The following ANKS1B variants were observed in gnomAD, a reference collection of about 807,000 sequenced individuals.
The protein encoded by ANKS1B is ankyrin repeat and sterile alpha motif domain-containing protein 1B.
ANKS1B carries 36 observed loss-of-function variants against 148.3 expected under a neutral mutation model. The observed-to-expected ratio is 0.24, with a 90% confidence interval of 0.19 to 0.32. ANKS1B has a LOEUF of 0.32. Among genes scored for constraint, ANKS1B ranks in the 10% least tolerant of loss-of-function variants. ANKS1B has a pLI of 1.00. For synonymous variants in ANKS1B, 542 were observed against 560.8 expected (o/e 0.97, Z 0.47); for missense variants, 1,157 against 1,542.6 (o/e 0.75, Z 4.19).
intron 15 of ANKS1B, among the ~76,000 whole-genome samples, chr12:99,130,557 A>G (rs1196939378): frequency 6.6e-6 from 1 of 152,090 alleles, no homozygotes; most frequent in Non-Finnish European, 1.5e-5. Context: ...TAGCCACATC[A>G]GCTAATAAGC....
At chr12:99,957,265 C>A (rs532964783) in intron 1 of ANKS1B, among the ~76,000 whole-genome samples, 9 of 152,272 alleles carry the variant, frequency 5.9e-5, no homozygotes, top group Non-Finnish European at 1.3e-4. Flanking sequence ...TCCTTCCTTT[C>A]ACCATGTGAT....
chr12:99,081,957 G>C (rs571339122), intron 16 of ANKS1B, among the ~76,000 whole-genome samples: 1 of 152,250 alleles, frequency 6.6e-6, no homozygotes, highest in African/African-American at 2.4e-5. Context: ...ATGTTGCACT[G>C]TCTCTGCCCT....
chr12:99,880,824 A>G (rs1388682730), intron 1 of ANKS1B, among the ~76,000 whole-genome samples: 1 of 152,234 alleles, frequency 6.6e-6, no homozygotes, highest in Non-Finnish European at 1.5e-5. Context: ...ATCAAGACAG[A>G]AGTTCTTAAT....
intron 14 of ANKS1B, among the ~76,000 whole-genome samples, chr12:99,191,326 C>T (rs187286067): frequency 7.2e-5 from 11 of 152,210 alleles, no homozygotes; most frequent in Admixed American, 2.0e-4. Flanking sequence ...ACCATTTGAC[C>T]CAACAATCCC....
At chr12:99,079,282 A>T (rs1482639109) in intron 16 of ANKS1B, among the ~76,000 whole-genome samples, 1 of 152,246 alleles carries the variant, frequency 6.6e-6, no homozygotes, top group Non-Finnish European at 1.5e-5. Flanking sequence ...AATATAAATC[A>T]TCTATTGGAA....
chr12:99,457,786 T>A (rs1385056986), intron 10 of ANKS1B, among the ~76,000 whole-genome samples: 2 of 152,144 alleles, frequency 1.3e-5, no homozygotes, highest in Admixed American at 6.5e-5. Context: ...AAACAATTTC[T>A]ACTAGACCTA....
chr12:99,725,783 T>C (rs2058559113), intron 8 of ANKS1B, among the ~76,000 whole-genome samples: 1 of 152,078 alleles, frequency 6.6e-6, no homozygotes, highest in African/African-American at 2.4e-5. Context: ...GCAAAATAAC[T>C]GAAATCATAA....
chr12:99,539,730 G>A (rs1315307634), intron 9 of ANKS1B, among the ~76,000 whole-genome samples: 1 of 152,050 alleles, frequency 6.6e-6, no homozygotes, highest in African/African-American at 2.4e-5. Flanking sequence ...GTTTGTTTTA[G>A]GTTTTGCTTT....
chr12:99,725,606 A>G (rs2058542487), intron 8 of ANKS1B, among the ~76,000 whole-genome samples: 2 of 152,210 alleles, frequency 1.3e-5, no homozygotes, highest in Non-Finnish European at 2.9e-5. Context: ...TGAGACAGAA[A>G]ATTAACAAGG....
At position 99,191,180 on chromosome 12, in the gene ANKS1B, A is replaced by G. The variant is rs564079320; in HGVS notation, c.2420-36785T>C. Reference sequence around the variant, plus strand: ...CATGCCAGTTAGAATGGTGATCATTAAAAAGTCAGGGAACAACAGATGCTG... The same window carrying G: ...CATGCCAGTTAGAATGGTGATCATTGAAAAGTCAGGGAACAACAGATGCTG... On this transcript the variant is annotated intron_variant, in intron 14 of 26. Transcript: ENST00000683438. Among the ~76,000 whole-genome samples, 7 of 152,300 alleles carry G rather than the reference A, an allele frequency of 4.6e-5. No homozygotes were observed. The East Asian group carries it at 1.3e-3, about 29-fold the overall frequency.
At chr12:99,601,607 A>C (rs928577172) in intron 9 of ANKS1B, among the ~76,000 whole-genome samples, 11 of 152,092 alleles carry the variant, frequency 7.2e-5, no homozygotes, top group Admixed American at 2.6e-4. Context: ...CACGGTCAAC[A>C]CTCTTATAAT....
intron 9 of ANKS1B, among the ~76,000 whole-genome samples, chr12:99,537,284 GGGATCGCT>G (rs1567301402): frequency 1.3e-5 from 2 of 152,050 alleles, no homozygotes; most frequent in African/African-American, 2.4e-5. Context: ...ATCCAGCAGT[GGGATCGCT>G]GGACCATATG....
At chr12:99,791,803 G>C (rs2065686213) in intron 4 of ANKS1B, among the ~76,000 whole-genome samples, 1 of 133,522 alleles carries the variant, frequency 7.5e-6, no homozygotes, top group Admixed American at 7.7e-5. Flanking sequence ...CAAAAAGGAA[G>C]AAAAACTTAA....
chr12:99,761,676 T>C (rs931863348), intron 8 of ANKS1B, among the ~76,000 whole-genome samples: 2 of 152,004 alleles, frequency 1.3e-5, no homozygotes, highest in African/African-American at 4.8e-5. Flanking sequence ...ATATATAACA[T>C]AGTACTGAAA....
rs138605462 is a variant in ANKS1B, at chr12:99,630,197, T to A, written c.1272+24870A>T. ...ATGTAAATACAGAATTTGTTCCTAATGGTAGCCAGGATTCAAATCAGAATA... is the reference window on the plus strand; with the variant it reads ...ATGTAAATACAGAATTTGTTCCTAAAGGTAGCCAGGATTCAAATCAGAATA... On this transcript the variant is annotated intron_variant, in intron 9 of 26. Coordinates refer to ENST00000683438, the MANE Select transcript of ANKS1B (RefSeq NM_001352186.2). 2.0e-5 allele frequency among the ~76,000 whole-genome samples: 3 copies of A among 152,228 alleles called. No homozygotes were observed. In the East Asian group the frequency reaches 5.8e-4, roughly 29 times the overall value.
chr12:99,084,887 A>G, intron 16 of ANKS1B, 38 bp downstream of exon 16: 3 of 1,518,782 alleles, frequency 2.0e-6, no homozygotes, highest in Non-Finnish European at 2.7e-6. Context: ...ATCACTGGGA[A>G]CCGTACACAG....
intron 10 of ANKS1B, among the ~76,000 whole-genome samples, chr12:99,446,729 A>G (rs900105678): frequency 2.0e-5 from 3 of 152,084 alleles, no homozygotes; most frequent in African/African-American, 7.2e-5. Context: ...TAGTTGAACC[A>G]ACTTCCAGAA....
chr12:99,918,385 C>G (rs1343948321), intron 1 of ANKS1B, among the ~76,000 whole-genome samples: 1 of 152,192 alleles, frequency 6.6e-6, no homozygotes, highest in Non-Finnish European at 1.5e-5. Context: ...GAGTGGAACA[C>G]TTTCACCAGA....
intron 9 of ANKS1B, among the ~76,000 whole-genome samples, chr12:99,546,185 C>T (rs1263138233): frequency 6.6e-6 from 1 of 151,930 alleles, no homozygotes; most frequent in Non-Finnish European, 1.5e-5. Context: ...ATTCTACCTG[C>T]CTGGAGAAGT....
Sources: gnomAD v4.1 joint callset for allele counts (sites outside exome capture counted in the v4.1 genomes callset) on GRCh38, gnomAD v4.1.1 for gene constraint, MANE v1.5 for transcripts, NCBI Gene and HGNC (gene_info 2026-07-23, HGNC 2026-07-21) for gene names.